Variants in MACROD2 observed in about 807,000 individuals in gnomAD.
MACROD2 encodes mono-ADP ribosylhydrolase 2.
A neutral mutation model predicts 70.4 loss-of-function variants in MACROD2; 36 were observed. The observed-to-expected ratio is 0.51, with a 90% CI of 0.39 to 0.68. The LOEUF is 0.68. Ranked by LOEUF, MACROD2 falls within the 30% of genes least tolerant of loss-of-function variation. The pLI is 0.00. For missense variants in MACROD2, 496 were observed against 538.4 expected, an observed-to-expected ratio of 0.92 and a Z score of 0.78; for synonymous variants, 172 against 178.8, an observed-to-expected ratio of 0.96 and a Z score of 0.30.
chr20:16,043,964 G>A (rs1010865167), intron 16 of MACROD2, among the ~76,000 whole-genome samples: 5 of 152,106 alleles, frequency 3.3e-5, no homozygotes, highest in Non-Finnish European at 7.4e-5. Context: ...CTCAGTTTCA[G>A]TTGAGGGAAG....
At chr20:15,200,053 AAG>A (rs781564795) in intron 5 of MACROD2, among the ~76,000 whole-genome samples, 1 of 127,770 alleles carries the variant, frequency 7.8e-6, no homozygotes, top group Non-Finnish European at 1.6e-5. Context: ...CGTTAAAAAT[AAG>A]AGGAGAAAAA....
chr20:15,551,827 T>C (rs942020408), intron 8 of MACROD2, among the ~76,000 whole-genome samples: 4 of 134,888 alleles, frequency 3.0e-5, no homozygotes, highest in Admixed American at 2.5e-4. Flanking sequence ...GGAACTAGCA[T>C]CCCTGCACTC....
intron 6 of MACROD2, among the ~76,000 whole-genome samples, chr20:15,303,509 C>T (rs1389389639): frequency 6.6e-6 from 1 of 152,148 alleles, no homozygotes; most frequent in Non-Finnish European, 1.5e-5. Flanking sequence ...GCTCTTATAG[C>T]CATCCTCTCT....
At chr20:15,136,426 A>G (rs1248433696) in intron 5 of MACROD2, among the ~76,000 whole-genome samples, 1 of 152,154 alleles carries the variant, frequency 6.6e-6, no homozygotes, top group Non-Finnish European at 1.5e-5. Flanking sequence ...CAACTATCTG[A>G]TCTTTGACAA....
At chr20:14,397,256 G>A (rs531539073) in intron 3 of MACROD2, among the ~76,000 whole-genome samples, 59 of 152,178 alleles carry the variant, frequency 3.9e-4, no homozygotes, top group Middle Eastern at 3.4e-3. Flanking sequence ...GCCTCCCAAA[G>A]TGCTGGGATT....
intron 8 of MACROD2, among the ~76,000 whole-genome samples, chr20:15,605,380 G>C (rs1035726479): frequency 2.0e-5 from 3 of 150,822 alleles, no homozygotes; most frequent in Non-Finnish European, 2.9e-5. Flanking sequence ...ATGAAAAGAG[G>C]GTATTGATTC....
At chr20:15,951,783 G>A (rs1228987189) in intron 12 of MACROD2, among the ~76,000 whole-genome samples, 1 of 152,120 alleles carries the variant, frequency 6.6e-6, no homozygotes, top group East Asian at 1.9e-4. Flanking sequence ...CAAAAAGCAT[G>A]TAAACCCATT....
chr20:15,545,501 AG>A (rs1457082085), intron 8 of MACROD2, among the ~76,000 whole-genome samples: 1 of 152,186 alleles, frequency 6.6e-6, no homozygotes, highest in African/African-American at 2.4e-5. Context: ...TCTTGGAGTG[AG>A]TCTGTTGCAT....
chr20:15,216,699 T>A (rs1360440205), intron 5 of MACROD2, among the ~76,000 whole-genome samples: 3 of 152,148 alleles, frequency 2.0e-5, no homozygotes, highest in Non-Finnish European at 4.4e-5. Context: ...AGCGACAAAC[T>A]TTCACACTGA....
At chr20:15,142,412 T>C (rs918424868) in intron 5 of MACROD2, among the ~76,000 whole-genome samples, 5 of 152,160 alleles carry the variant, frequency 3.3e-5, no homozygotes, top group Non-Finnish European at 5.9e-5. Flanking sequence ...AGAAAAATAT[T>C]TGTTCATATA....
chr20:15,224,903 T>C (rs1237741768), intron 5 of MACROD2, among the ~76,000 whole-genome samples: 2 of 149,158 alleles, frequency 1.3e-5, no homozygotes, highest in Admixed American at 6.8e-5. Context: ...GAGGTTGCAG[T>C]GAGCCAAGAT....
At chr20:15,011,010 C>T (rs796991292) in intron 5 of MACROD2, among the ~76,000 whole-genome samples, 1 of 152,270 alleles carries the variant, frequency 6.6e-6, no homozygotes, top group African/African-American at 2.4e-5. Context: ...AAATATAAAG[C>T]TGGAAAGGAG....
intron 3 of MACROD2, among the ~76,000 whole-genome samples, chr20:14,390,435 A>G (rs2083514312): frequency 1.3e-5 from 2 of 152,378 alleles, no homozygotes; most frequent in Admixed American, 1.3e-4. Context: ...CAGATAGCAA[A>G]GGCAATCCTA....
chr20:15,073,058 C>T (rs1055609558), intron 5 of MACROD2, among the ~76,000 whole-genome samples: 9 of 152,068 alleles, frequency 5.9e-5, no homozygotes. Flanking sequence ...TCAAGAAGGC[C>T]TCTACCAGAA....
intron 8 of MACROD2, among the ~76,000 whole-genome samples, chr20:15,736,203 TACATC>T (rs1381582819): frequency 6.6e-6 from 1 of 152,222 alleles, no homozygotes; most frequent in Non-Finnish European, 1.5e-5. Flanking sequence ...TCATTCTCTC[TACATC>T]ACAAGTTTAG....
At chr20:15,523,324 G>C (rs1289185919) in intron 8 of MACROD2, among the ~76,000 whole-genome samples, 5 of 152,166 alleles carry the variant, frequency 3.3e-5, no homozygotes, top group Non-Finnish European at 7.3e-5. Flanking sequence ...ATGTAAATCT[G>C]TGAAGAAAAG....
chr20:14,410,510 G>GGAT (rs1217689073), intron 3 of MACROD2, among the ~76,000 whole-genome samples: 1 of 152,104 alleles, frequency 6.6e-6, no homozygotes, highest in African/African-American at 2.4e-5. Flanking sequence ...AATGCGTTTA[G>GGAT]GATGATGGCC....
intron 8 of MACROD2, among the ~76,000 whole-genome samples, chr20:15,795,194 C>A (rs541199246): frequency 5.3e-5 from 8 of 151,986 alleles, no homozygotes; most frequent in Non-Finnish European, 1.2e-4. Flanking sequence ...ATTGTTGTGA[C>A]GAGTTATAAG....
chr20:14,071,418 G>A (rs1315368058), intron 2 of MACROD2, among the ~76,000 whole-genome samples: 2 of 151,474 alleles, frequency 1.3e-5, no homozygotes, highest in Non-Finnish European at 2.9e-5. Context: ...CTACCACCAC[G>A]CCCGGCTAAT....
Sources: allele counts gnomAD v4.1 joint callset (sites outside exome capture counted in the v4.1 genomes callset), GRCh38; gene constraint gnomAD v4.1.1; transcripts MANE v1.5; gene names NCBI Gene and HGNC (gene_info 2026-07-23, HGNC 2026-07-21).